The following COL24A1 variants were observed in gnomAD, a reference collection of about 807,000 sequenced individuals.
COL24A1 encodes the protein collagen type XXIV alpha 1 chain.
A neutral mutation model predicts 253.9 loss-of-function variants in COL24A1; 224 were observed. The ratio of observed to expected loss-of-function variants is 0.88; its 90% CI spans 0.79 to 0.99. The LOEUF (loss-of-function observed/expected upper bound fraction) is 0.99, where lower values mean the gene tolerates loss of function less well. Among genes scored for constraint, COL24A1 ranks in the 50% least tolerant of loss-of-function variants. The pLI is 0.00. For missense variants in COL24A1, 2,131 were observed against 2,068.5 expected (o/e 1.03, Z -0.59); for synonymous variants, 685 against 673.7 (o/e 1.02, Z -0.26).
chr1:86,125,305 T>A lies in COL24A1; in HGVS notation c.1031A>T (p.Gln344Leu). 6.2e-7 allele frequency: 1 copy of A among 1,613,726 alleles called. No individual in the cohort carries two copies. The highest frequency in any genetic ancestry group is 8.5e-7 in the Non-Finnish European group (1 of 1,179,808). ...GGTCACTGACAGGCTGAAATTTGTCTGAGTATCTTCCTCAGTGATCATTTC... is the reference window on the plus strand; with the variant it reads ...GGTCACTGACAGGCTGAAATTTGTCAGAGTATCTTCCTCAGTGATCATTTC... The part of the protein sequence containing the change: ...AKEMITEEDT[Q>L]TNFSLSVTTH... Residue 344 changes from glutamine (Q) to leucine (L), a missense_variant, in exon 3 of 60, where the codon CAG becomes CTG. Gln to Leu is a moderately radical substitution (Grantham distance 113). Transcript: ENST00000370571.
At chr1:86,132,288 G>A (rs1368986925) in intron 2 of COL24A1, among the ~76,000 whole-genome samples, 1 of 152,048 alleles carries the variant, frequency 6.6e-6, no homozygotes, top group African/African-American at 2.4e-5. Context: ...TGAGTAGATT[G>A]CAAAAATTTT....
chr1:86,153,256 C>T (rs934952915), intron 1 of COL24A1, among the ~76,000 whole-genome samples: 6 of 140,596 alleles, frequency 4.3e-5, no homozygotes, highest in Admixed American at 2.8e-4. Flanking sequence ...TGTATATATC[C>T]TCCTCTCATT....
intron 28 of COL24A1, among the ~76,000 whole-genome samples, chr1:85,903,645 C>T (rs961341130): frequency 2.0e-5 from 3 of 152,068 alleles, no homozygotes; most frequent in African/African-American, 7.2e-5. Flanking sequence ...AGTAAGTTCT[C>T]ATAGCAGAAA....
At chr1:86,096,584 C>T (rs75605596) in intron 5 of COL24A1, among the ~76,000 whole-genome samples, 95 of 152,218 alleles carry the variant, frequency 6.2e-4, no homozygotes, top group African/African-American at 2.2e-3. Flanking sequence ...CTTATGGCCT[C>T]GCTTTCCTCC....
intron 19 of COL24A1, among the ~76,000 whole-genome samples, chr1:85,998,831 A>G (rs1695123992): frequency 6.6e-6 from 1 of 152,224 alleles, no homozygotes; most frequent in Admixed American, 6.5e-5. Context: ...TGCAAGTATC[A>G]TCTAGCCCTC....
intron 25 of COL24A1, among the ~76,000 whole-genome samples, chr1:85,910,300 T>C (rs10747325): frequency 0.18 from 27,598 of 151,890 alleles, 2,653 homozygotes; most frequent in South Asian, 0.21. Flanking sequence ...ACATCATATG[T>C]TAAAGTTTTG....
chr1:85,962,587 G>T (rs1337274402), intron 23 of COL24A1, among the ~76,000 whole-genome samples: 1 of 152,096 alleles, frequency 6.6e-6, no homozygotes, highest in African/African-American at 2.4e-5. Flanking sequence ...AACTGTAAGT[G>T]GGGCCCTGAA....
chr1:86,139,325 C>A (rs1557791141), intron 2 of COL24A1, among the ~76,000 whole-genome samples: 1 of 151,990 alleles, frequency 6.6e-6, no homozygotes, highest in Non-Finnish European at 1.5e-5. Context: ...GTGACTATAT[C>A]AATTGACTCT....
chr1:85,896,517 A>G (rs1571128739), intron 28 of COL24A1, 108 bp from the exon 29 acceptor site: 2 of 877,742 alleles, frequency 2.3e-6, no homozygotes, highest in East Asian at 5.2e-5. Context: ...TTTTTTTGAG[A>G]CGGAGTCTCA....
chr1:85,878,756 A>T (rs1455051624), intron 32 of COL24A1, among the ~76,000 whole-genome samples: 1 of 152,136 alleles, frequency 6.6e-6, no homozygotes, highest in African/African-American at 2.4e-5. Context: ...GCATTATCAA[A>T]GTTTTAGATT....
chr1:85,880,469 A>G (rs1406549453), intron 32 of COL24A1, among the ~76,000 whole-genome samples: 1 of 152,162 alleles, frequency 6.6e-6, no homozygotes, highest in African/African-American at 2.4e-5. Flanking sequence ...ATACAAAGAA[A>G]GACAGTTTTA....
chr1:85,849,340 T>C lies in COL24A1; in HGVS notation c.3354+13A>G, dbSNP rs1677496883. ...AAGAAAGAAAACCTGCATAAGAAGA[T>C]GTAAAAAATTACCTTTTTTCCTGGA... is the stretch of plus-strand genomic sequence containing the variant. On this transcript the variant is annotated intron_variant, in intron 38 of 59. Coordinates refer to ENST00000370571, the MANE Select transcript of COL24A1 (RefSeq NM_152890.7). 3 of 1,609,936 alleles carry C rather than the reference T, an allele frequency of 1.9e-6. No individual in the cohort carries two copies. Among genetic ancestry groups the C allele is most frequent in the Middle Eastern group, 1.7e-4 (1 of 6,048 alleles).
intron 37 of COL24A1, among the ~76,000 whole-genome samples, chr1:85,850,854 TA>T (rs1374447786): frequency 6.6e-6 from 1 of 152,106 alleles, no homozygotes; most frequent in African/African-American, 2.4e-5. Context: ...TGCTAGTCGT[TA>T]TTAACTTCTG....
At chr1:86,028,986 A>G (rs928981531) in intron 14 of COL24A1, among the ~76,000 whole-genome samples, 3 of 152,216 alleles carry the variant, frequency 2.0e-5, no homozygotes, top group African/African-American at 2.4e-5. Flanking sequence ...TTTGGTCTTA[A>G]TCTTGACAGT....
At chr1:85,974,828 A>C (rs766796486) in intron 20 of COL24A1, among the ~76,000 whole-genome samples, 2 of 152,326 alleles carry the variant, frequency 1.3e-5, no homozygotes, top group Middle Eastern at 3.4e-3. Context: ...ACTTTACTAG[A>C]GATGTAAACT....
chr1:85,885,112 G>T (rs1460797335), intron 32 of COL24A1, among the ~76,000 whole-genome samples: 1 of 152,104 alleles, frequency 6.6e-6, no homozygotes, highest in Non-Finnish European at 1.5e-5. Context: ...AAGAGTTGTT[G>T]ATTTTCAGTA....
intron 20 of COL24A1, among the ~76,000 whole-genome samples, chr1:85,977,692 A>G (rs1025592385): frequency 2.0e-5 from 3 of 152,158 alleles, no homozygotes; most frequent in African/African-American, 4.8e-5. Flanking sequence ...AACAAGAACA[A>G]CAAAAAAAGA....
chr1:86,068,976 C>T (rs2101825159), intron 7 of COL24A1, among the ~76,000 whole-genome samples: 1 of 152,226 alleles, frequency 6.6e-6, no homozygotes, highest in South Asian at 2.1e-4. Flanking sequence ...CCAATGATAC[C>T]CAGTGAGTGT....
intron 19 of COL24A1, among the ~76,000 whole-genome samples, chr1:85,993,443 CA>C (rs56750843): frequency 2.7e-5 from 4 of 145,492 alleles, no homozygotes; most frequent in South Asian, 2.1e-4. Flanking sequence ...AGAAGCCAGA[CA>C]AAAAAAAAAG....
Sources: gnomAD v4.1 joint callset for allele counts (sites outside exome capture counted in the v4.1 genomes callset) on GRCh38, gnomAD v4.1.1 for gene constraint, MANE v1.5 for transcripts, NCBI Gene and HGNC (gene_info 2026-07-23, HGNC 2026-07-21) for gene names.